The following ANK3 variants were observed in gnomAD, a reference collection of about 807,000 sequenced individuals.
ANK3 encodes the protein ankyrin-3.
Under a neutral mutation model 370.9 loss-of-function variants are expected in ANK3, and 57 were observed. The ratio of observed to expected loss-of-function variants is 0.15; its 90% CI spans 0.12 to 0.19. The LOEUF is 0.19. ANK3 is among the 10% of genes least tolerant of loss of function. The probability of loss-of-function intolerance (pLI) is 1.00; values close to 1 mark genes in which losing one functional copy is unlikely to be tolerated. For missense variants in ANK3, 4,439 were observed against 5,302.1 expected (o/e 0.84, Z 5.06); for synonymous variants, 1,929 against 1,946.3 (o/e 0.99, Z 0.23).
chr10:60,465,313 T>C (rs1201363948), intron 2 of ANK3, among the ~76,000 whole-genome samples: 1 of 152,006 alleles, frequency 6.6e-6, no homozygotes, highest in Non-Finnish European at 1.5e-5. Flanking sequence ...AAGTTCTTCA[T>C]TTACTACTGA....
chr10:60,397,032 G>T (rs944427190), intron 2 of ANK3, among the ~76,000 whole-genome samples: 1 of 152,084 alleles, frequency 6.6e-6, no homozygotes, highest in Non-Finnish European at 1.5e-5. Flanking sequence ...TAAAGGCAAA[G>T]GTACAAAGGA....
intron 2 of ANK3, among the ~76,000 whole-genome samples, chr10:60,526,854 A>G (rs1437472418): frequency 6.6e-6 from 1 of 152,130 alleles, no homozygotes; most frequent in Admixed American, 6.6e-5. Flanking sequence ...TGCAAACTGG[A>G]CAGTTAGTGA....
chr10:60,650,103 T>C (rs2078766413), intron 1 of ANK3, among the ~76,000 whole-genome samples: 1 of 152,146 alleles, frequency 6.6e-6, no homozygotes. Context: ...GCCACTGAGA[T>C]CATCGAGTTA....
At position 60,068,776 on chromosome 10, in the gene ANK3, G is replaced by A; in HGVS notation, c.12105C>T (p.Asn4035=). 3 of 1,614,190 alleles carry A rather than the reference G, an allele frequency of 1.9e-6. No individual in the cohort carries two copies. Among genetic ancestry groups the A allele is most frequent in the Non-Finnish European group, 2.5e-6 (3 of 1,180,014 alleles). Residue 4035 remains asparagine (N), a synonymous_variant, in exon 37 of 44, where the codon AAC becomes AAT. Coordinates refer to ENST00000280772, the MANE Select transcript of ANK3 (RefSeq NM_020987.5). ...LSDEEESTSR[N]TSLSETSRGG... is the part of the protein sequence containing the mutation. ...CCCGGGAAGTCTCGGACAACGACGT[G>A]TTTCTTGAGGTACTTTCTTCCTCAT...
intron 1 of ANK3, among the ~76,000 whole-genome samples, chr10:60,353,016 C>G (rs1566791151): frequency 6.6e-6 from 1 of 152,096 alleles, no homozygotes; most frequent in Non-Finnish European, 1.5e-5. Context: ...CAGGGTCTCA[C>G]TCTGTCACCC....
At chr10:60,410,703 G>T (rs1020871804) in intron 2 of ANK3, among the ~76,000 whole-genome samples, 2 of 152,082 alleles carry the variant, frequency 1.3e-5, no homozygotes, top group African/African-American at 4.8e-5. Flanking sequence ...GTCTCAATCT[G>T]TTGCCCAAGC....
intron 1 of ANK3, among the ~76,000 whole-genome samples, chr10:60,681,330 G>A (rs1447460184): frequency 6.6e-6 from 1 of 152,080 alleles, no homozygotes; most frequent in Non-Finnish European, 1.5e-5. Flanking sequence ...CCATTAACAC[G>A]ACTAGCAAGG....
chr10:60,655,818 G>T (rs1422925984), intron 1 of ANK3, among the ~76,000 whole-genome samples: 1 of 152,028 alleles, frequency 6.6e-6, no homozygotes, highest in East Asian at 1.9e-4. Context: ...CCCTACACAG[G>T]TGTACCACTG....
chr10:60,251,314 G>A (rs373659507), intron 7 of ANK3, among the ~76,000 whole-genome samples: 1 of 152,134 alleles, frequency 6.6e-6, no homozygotes, highest in African/African-American at 2.4e-5. Context: ...TTTCTGAGGA[G>A]CATCTCAGAC....
At chr10:60,729,741 C>G (rs779040050) in intron 1 of ANK3, among the ~76,000 whole-genome samples, 38 of 152,308 alleles carry the variant, frequency 2.5e-4, no homozygotes, top group Admixed American at 2.0e-4. Flanking sequence ...AGGAAAAATA[C>G]TACCATCTAC....
chr10:60,367,457 AAG>A (rs1198510829), intron 1 of ANK3, among the ~76,000 whole-genome samples: 10 of 152,230 alleles, frequency 6.6e-5, no homozygotes, highest in African/African-American at 2.4e-4. Flanking sequence ...TAGAGAAAGA[AAG>A]AAATGAATTC....
At chr10:60,622,151 C>T (rs1324374987) in intron 1 of ANK3, among the ~76,000 whole-genome samples, 1 of 152,136 alleles carries the variant, frequency 6.6e-6, no homozygotes. Flanking sequence ...CAATTTAGCT[C>T]TCCAATTTCA....
intron 5 of ANK3, among the ~76,000 whole-genome samples, chr10:60,269,928 A>C (rs886235601): frequency 1.3e-5 from 2 of 152,200 alleles, no homozygotes; most frequent in African/African-American, 4.8e-5. Context: ...TCGGGCATTT[A>C]AGAGTAGAAA....
At chr10:60,276,795 TA>T (rs2098096845) in intron 4 of ANK3, among the ~76,000 whole-genome samples, 1 of 152,126 alleles carries the variant, frequency 6.6e-6, no homozygotes, top group African/African-American at 2.4e-5. Context: ...GAGAAAATAA[TA>T]AAAGAAATGA....
chr10:60,649,026 C>T (rs1230372350), intron 1 of ANK3, among the ~76,000 whole-genome samples: 3 of 152,018 alleles, frequency 2.0e-5, no homozygotes, highest in South Asian at 4.2e-4. Context: ...CATGCATCAG[C>T]GAGTATAAAG....
intron 31 of ANK3, 103 bp from the exon 32 acceptor site, chr10:60,084,933 C>A (rs910559869): frequency 6.2e-5 from 55 of 894,254 alleles, no homozygotes; most frequent in Non-Finnish European, 6.6e-6. Context: ...AGGAACTAAC[C>A]CAAAACGTTA....
In ANK3 at chr10:60,237,056, C is replaced by T. The variant is rs145288432; in HGVS notation, c.799-2270G>A. Among the ~76,000 whole-genome samples the T allele has an allele frequency of 2.4e-3, 367 of 152,362 alleles. 3 individuals are homozygous for T. Among genetic ancestry groups the T allele is most frequent in the African/African-American group, 8.5e-3 (353 of 41,578 alleles). The stretch of plus-strand genomic sequence containing the variant: ...CTCCAGACCTACCAGCTTGCAGCTG[C>T]ACAGCTTTCGACTGTGTATAACAGG... On this transcript the variant is annotated intron_variant, in intron 7 of 43. Transcript: ENST00000280772.
chr10:60,126,419 C>T (rs191130486), intron 25 of ANK3, among the ~76,000 whole-genome samples: 2 of 152,288 alleles, frequency 1.3e-5, no homozygotes, highest in East Asian at 1.9e-4. Flanking sequence ...GGTGTGGTGG[C>T]TCACGCCTGT....
intron 40 of ANK3, among the ~76,000 whole-genome samples, chr10:60,061,547 C>T (rs1030605579): frequency 6.6e-6 from 1 of 152,010 alleles, no homozygotes; most frequent in African/African-American, 2.4e-5. Context: ...ATAAGATGAT[C>T]TATATTTATC....
Sources: gnomAD v4.1 joint callset for allele counts (sites outside exome capture counted in the v4.1 genomes callset) on GRCh38, gnomAD v4.1.1 for gene constraint, MANE v1.5 for transcripts, NCBI Gene and HGNC (gene_info 2026-07-23, HGNC 2026-07-21) for gene names.